LHX9: variants seen among roughly 807,000 people sequenced by gnomAD.
LHX9 encodes LIM/homeobox protein Lhx9.
In LHX9, 9 loss-of-function variants were observed where a neutral mutation model predicts 36.5. The ratio of observed to expected loss-of-function variants is 0.25; its 90% CI spans 0.15 to 0.43. LHX9 has a LOEUF of 0.43. Ranked by LOEUF, LHX9 falls within the 20% of genes least tolerant of loss-of-function variation. The pLI, the probability that LHX9 is intolerant of heterozygous loss-of-function variation, is 1.00. For synonymous variants in LHX9, 211 were observed against 212.1 expected, an observed-to-expected ratio of 0.99 and a Z score of 0.04; for missense variants, 464 against 526.4, an observed-to-expected ratio of 0.88 and a Z score of 1.16.
rs945886239 is a variant in LHX9, at chr1:197,935,182, T to C, written c.*5923T>C. The C allele has an allele frequency of 1.3e-5, 2 of 152,220 alleles. No individual in the cohort carries two copies. Among genetic ancestry groups the C allele is most frequent in the African/African-American group, 4.8e-5 (2 of 41,468 alleles). The allele number at this position is 152,220 out of a possible 1,614,324, so 9.4% of individuals were successfully genotyped here. ...TAATATAGTTAACCCTCCCTTATTA[T>C]GTATCATATCAATAAGTTTCTCTTC... On this transcript the variant is annotated 3_prime_UTR_variant, in exon 5 of 5. Transcript: ENST00000367387.
chr1:197,927,043 A>T (rs1164180326), intron 3 of LHX9, among the ~76,000 whole-genome samples: 1 of 152,204 alleles, frequency 6.6e-6, no homozygotes, highest in Non-Finnish European at 1.5e-5. Context: ...GCTAACCCTT[A>T]GAATTGACCT....
Position 197,929,147 on chromosome 1 carries a change from C to T in LHX9, c.1082C>T (p.Thr361Ile). ...GALTPPGTAT[T>I]LTDLTNPTIT... is the part of the protein sequence containing the mutation. ...CTCACTCCACCCGGCACTGCGACCA[C>T]TTTAACAGACCTGACCAATCCCACT... Residue 361 changes from threonine to isoleucine, a missense_variant, in exon 5 of 5, where the codon ACT (threonine) becomes ATT (isoleucine). This residue lies in a region of LHX9 where 102 missense variants were observed against 97.0 expected (regional missense o/e 1.05). Coordinates refer to ENST00000367387, the MANE Select transcript of LHX9 (RefSeq NM_020204.3). 6.2e-7 allele frequency: 1 copy of T among 1,613,544 alleles called. No homozygotes were observed. The highest frequency in any genetic ancestry group is 1.1e-5 in the South Asian group (1 of 91,022).
chr1:197,917,178 GCTCT>G (rs1271401119), upstream of LHX9: 4 of 861,400 alleles, frequency 4.6e-6, no homozygotes, highest in Non-Finnish European at 5.6e-6. Context: ...CTGCCTCCCC[GCTCT>G]CTATCCCCCC....
chr1:197,921,388 C>T lies in LHX9; in HGVS notation c.462C>T (p.Tyr154=). Reference sequence around the variant, plus strand: ...TCATGCGCGCCCGAGACTCTGTCTACCACCTGAGCTGCTTCACCTGCTCCA... The same window carrying T: ...TCATGCGCGCCCGAGACTCTGTCTATCACCTGAGCTGCTTCACCTGCTCCA... ...EMVMRARDSV[Y]HLSCFTCSTC... is the part of the protein sequence containing the mutation. The change falls in exon 3 of 5, where the codon TAC becomes TAT. Residue 154 remains tyrosine, a synonymous_variant. Transcript: ENST00000367387. The surrounding 1 kb of genome is among the most constrained non-coding windows in gnomAD (Gnocchi z 4.6). 3.1e-6 allele frequency: 5 copies of T among 1,614,214 alleles called. No homozygotes were observed. Among genetic ancestry groups the T allele is most frequent in the South Asian group, 1.1e-5 (1 of 91,084 alleles).
In LHX9 at chr1:197,930,250, T is replaced by C. The variant is rs1404682770; in HGVS notation, c.*991T>C. 1 of 182,834 alleles carries C rather than the reference T, an allele frequency of 5.5e-6. No individual in the cohort carries two copies. Among genetic ancestry groups the C allele is most frequent in the Non-Finnish European group, 1.0e-5 (1 of 96,126 alleles). 11.3% of individuals were successfully genotyped at this position (182,834 alleles called of 1,614,324 possible). On this transcript the variant is annotated 3_prime_UTR_variant, in exon 5 of 5. Transcript: ENST00000367387. ...CAGCCTGGTAGACTTATACCAACAA[T>C]TGGTTTTGTTTTGTTTTATTTTATT...
intron 3 of LHX9, among the ~76,000 whole-genome samples, chr1:197,925,432 A>G (rs944196966): frequency 2.6e-5 from 4 of 152,190 alleles, no homozygotes; most frequent in African/African-American, 7.2e-5. Flanking sequence ...GTGAAATTCA[A>G]TTTGATGTAT....
At chr1:197,913,857 C>G (rs1442640949), upstream of LHX9, among the ~76,000 whole-genome samples, 4 of 152,180 alleles carry the variant, frequency 2.6e-5, no homozygotes, top group African/African-American at 9.7e-5. Context: ...AGAGAGAGAC[C>G]TTAAGTCACC....
At chr1:197,928,397 T>C (rs1427188317) in intron 4 of LHX9, among the ~76,000 whole-genome samples, 1 of 152,236 alleles carries the variant, frequency 6.6e-6, no homozygotes, top group East Asian at 1.9e-4. Flanking sequence ...GAAATTATGA[T>C]AGGTTGCTGT....
chr1:197,913,580 G>T (rs1322988943), upstream of LHX9, among the ~76,000 whole-genome samples: 9 of 152,162 alleles, frequency 5.9e-5, no homozygotes, highest in Non-Finnish European at 1.3e-4. Flanking sequence ...CCGGCAATCC[G>T]CTCACCTTCC....
At chr1:197,914,143 C>A (rs1268114725), upstream of LHX9, among the ~76,000 whole-genome samples, 1 of 152,222 alleles carries the variant, frequency 6.6e-6, no homozygotes, top group Non-Finnish European at 1.5e-5. Flanking sequence ...GGGATGGGTG[C>A]TGTCAGAATA....
At chr1:197,926,771 G>A (rs1330885988) in intron 3 of LHX9, among the ~76,000 whole-genome samples, 6 of 152,182 alleles carry the variant, frequency 3.9e-5, no homozygotes, top group African/African-American at 1.4e-4. Context: ...TGTGAGCTGT[G>A]GGGAGCGCTT....
Position 197,921,225 on chromosome 1 carries a change from G to T in LHX9, c.378-79G>T. On this transcript the variant is annotated intron_variant, in intron 2 of 4. Transcript: ENST00000367387. This position sits in a 1 kb window ranked among gnomAD's most constrained non-coding sequence, Gnocchi z 4.6. ...CAGGTCCCAGTCTCAGGCCACTGCA[G>T]ACCAAACCCAGGTGTCGCGGGTGGG... 2 of 1,274,404 alleles carry T rather than the reference G, an allele frequency of 1.6e-6. No individual in the cohort carries two copies. Among genetic ancestry groups the T allele is most frequent in the South Asian group, 2.8e-5 (2 of 72,418 alleles). The allele number at this position is 1,274,404 out of a possible 1,614,324, so 78.9% of individuals were successfully genotyped here.
Position 197,917,989 on chromosome 1 carries a change from C to A in LHX9, c.166C>A (p.Arg56Ser). 7 of 1,612,914 alleles carry A rather than the reference C, an allele frequency of 4.3e-6. No homozygotes were observed. Among genetic ancestry groups the A allele is most frequent in the Non-Finnish European group, 5.9e-6 (7 of 1,179,468 alleles). Residue 56 changes from arginine (R) to serine (S), a missense_variant, in exon 1 of 5, where the codon CGC becomes AGC. This residue lies in a region of LHX9 where 119 missense variants were observed against 102.4 expected (regional missense o/e 1.16). Transcript: ENST00000367387. ...RLAKGAQLNG[R>S]DAGMPPLSPE... Reference sequence around the variant, plus strand: ...GGCCAAAGGCGCCCAGCTCAACGGCCGCGACGCGGTAAGGAAGGGCTCCGC... The same window carrying A: ...GGCCAAAGGCGCCCAGCTCAACGGCAGCGACGCGGTAAGGAAGGGCTCCGC...
chr1:197,927,452 C>G lies in LHX9; in HGVS notation c.734-139C>G, dbSNP rs1039983734. The G allele has an allele frequency of 6.9e-5, 50 of 723,424 alleles. No individual in the cohort carries two copies. The African/African-American group carries it at 7.5e-4, about 11-fold the overall frequency. 44.8% of individuals were successfully genotyped at this position (723,424 alleles called of 1,614,324 possible). A position where few individuals can be genotyped will look rare whatever the true frequency, so the allele number is the denominator to read the frequency against. ...TAGCAATTATCTTCTTTCTTTTTGT[C>G]TAGATACTACTCATAATTGGGTTGA... On this transcript the variant is annotated intron_variant, in intron 3 of 4. Coordinates refer to ENST00000367387, the MANE Select transcript of LHX9 (RefSeq NM_020204.3).
chr1:197,921,615 G>A lies in LHX9; in HGVS notation c.689G>A (p.Arg230Gln), dbSNP rs772729961. ...GTVQKGRPRK[R>Q]KSPALGVDIV... ...GTGCAGAAAGGGCGGCCCCGGAAGCGGAAGAGCCCAGCGCTGGGAGTGGAC... is the reference window on the plus strand; with the variant it reads ...GTGCAGAAAGGGCGGCCCCGGAAGCAGAAGAGCCCAGCGCTGGGAGTGGAC... The change falls in exon 3 of 5, where the codon CGG becomes CAG. Residue 230 changes from arginine to glutamine, a missense_variant. This residue lies in a region of LHX9 where 130 missense variants were observed against 109.6 expected (regional missense o/e 1.19). Transcript: ENST00000367387. This position sits in a 1 kb window ranked among gnomAD's most constrained non-coding sequence, Gnocchi z 4.6. The A allele has an allele frequency of 1.9e-6, 3 of 1,603,760 alleles. No individual in the cohort carries two copies. Among genetic ancestry groups the A allele is most frequent in the Admixed American group, 1.7e-5 (1 of 59,930 alleles).
At position 197,930,210 on chromosome 1, in the gene LHX9, A is replaced by G. The variant is rs1660289483; in HGVS notation, c.*951A>G. ...ATTGTATCTGGCATTCTATATGAATAATGTTTAAAATACCCAGCCTGGTAG... is the reference window on the plus strand; with the variant it reads ...ATTGTATCTGGCATTCTATATGAATGATGTTTAAAATACCCAGCCTGGTAG... On this transcript the variant is annotated 3_prime_UTR_variant, in exon 5 of 5. Transcript: ENST00000367387. 1.4e-5 allele frequency: 4 copies of G among 285,060 alleles called. No individual in the cohort carries two copies. The highest frequency in any genetic ancestry group is 2.1e-5 in the Non-Finnish European group (4 of 190,140). 17.7% of individuals were successfully genotyped at this position (285,060 alleles called of 1,614,324 possible). A position where few individuals can be genotyped will look rare whatever the true frequency, so the allele number is the denominator to read the frequency against.
At chr1:197,916,952 A>T (rs1261970126), upstream of LHX9, among the ~76,000 whole-genome samples, 2 of 152,188 alleles carry the variant, frequency 1.3e-5, no homozygotes, top group African/African-American at 4.8e-5. Flanking sequence ...TTTGAAGTTG[A>T]TATTCTCTGT....
upstream of LHX9, among the ~76,000 whole-genome samples, chr1:197,915,539 G>A (rs2102588730): frequency 6.6e-6 from 1 of 152,344 alleles, no homozygotes; most frequent in East Asian, 1.9e-4. Flanking sequence ...AGCTGCCAAA[G>A]TAAGGAGGAG....
In LHX9 at chr1:197,920,589, T is replaced by G. The variant is rs372520588; in HGVS notation, c.377+415T>G. Among the ~76,000 whole-genome samples, 5 of 152,102 alleles carry G rather than the reference T, an allele frequency of 3.3e-5. No individual in the cohort carries two copies. In the East Asian group the frequency reaches 7.7e-4, roughly 23 times the overall value. Reference sequence around the variant, plus strand: ...GGGCAGCAGCAACAGAGTGTTAGGTTTTCGTAGGTGGCAGGAGACTCTGTA... The same window carrying G: ...GGGCAGCAGCAACAGAGTGTTAGGTGTTCGTAGGTGGCAGGAGACTCTGTA... On this transcript the variant is annotated intron_variant, in intron 2 of 4. Transcript: ENST00000367387.
Sources: gnomAD v4.1 joint callset for allele counts (sites outside exome capture counted in the v4.1 genomes callset) on GRCh38, gnomAD v4.1.1 for gene constraint, gnomAD v4.1.1 regional missense constraint, Gnocchi (gnomAD v3.1) non-coding constraint, MANE v1.5 for transcripts, NCBI Gene and HGNC (gene_info 2026-07-23, HGNC 2026-07-21) for gene names.